Variants in HSP90AA1 observed in about 807,000 individuals in gnomAD.
HSP90AA1 encodes heat shock protein 90 alpha family class A member 1, also known as heat shock protein HSP 90-alpha.
HSP90AA1 carries 18 observed loss-of-function variants against 73.3 expected under a neutral mutation model. The ratio of observed to expected loss-of-function variants is 0.25; its 90% CI spans 0.17 to 0.36. The LOEUF is 0.36. Ranked by LOEUF, HSP90AA1 falls within the 10% of genes least tolerant of loss-of-function variation. The pLI is 1.00. For missense variants in HSP90AA1, 704 were observed against 874.2 expected (o/e 0.81, Z 2.45); for synonymous variants, 477 against 296.9 (o/e 1.61, Z -6.24).
At position 102,081,103 on chromosome 14, in the gene HSP90AA1, A is replaced by G; in HGVS notation, c.*609T>C. ...TTAAGCAGAATGTGACTCGAGCACT[A>G]CATTTCCATCCACAAGACTGGGTCT... On this transcript the variant is annotated 3_prime_UTR_variant, in exon 11 of 11. Coordinates refer to ENST00000216281, the MANE Select transcript of HSP90AA1 (RefSeq NM_005348.4). 4.3e-6 allele frequency: 1 copy of G among 229,904 alleles called. No homozygotes were observed. Among genetic ancestry groups the G allele is most frequent in the East Asian group, 6.3e-5 (1 of 15,798 alleles). The allele number at this position is 229,904 out of a possible 1,614,324, so 14.2% of individuals were successfully genotyped here.
At chr14:102,093,043 C>G (rs1348202524) in intron 2 of HSP90AA1, among the ~76,000 whole-genome samples, 1 of 151,926 alleles carries the variant, frequency 6.6e-6, no homozygotes, top group African/African-American at 2.4e-5. Flanking sequence ...CCGCGCCCAG[C>G]CAACAGCTGT....
At chr14:102,138,818 G>A (rs916025926) in intron 1 of HSP90AA1, among the ~76,000 whole-genome samples, 4 of 152,046 alleles carry the variant, frequency 2.6e-5, no homozygotes, top group African/African-American at 9.7e-5. Flanking sequence ...AGAAACCCAG[G>A]TATAAAATAG....
At chr14:102,104,981 G>A (rs1440250255) in intron 1 of HSP90AA1, among the ~76,000 whole-genome samples, 3 of 148,586 alleles carry the variant, frequency 2.0e-5, no homozygotes, top group South Asian at 2.1e-4. Context: ...GGCAGATCAC[G>A]AGGTCAGGAA....
chr14:102,085,885 G>A lies in HSP90AA1; in HGVS notation c.402C>T (p.Phe134=), dbSNP rs577315542. The A allele has an allele frequency of 2.5e-5, 40 of 1,613,878 alleles. No homozygotes were observed. In the Middle Eastern group the frequency reaches 1.5e-3, roughly 60 times the overall value. Residue 134 remains phenylalanine (F), a synonymous_variant, in exon 3 of 11, where the codon TTC becomes TTT. Transcript: ENST00000216281. ...AATAAGCAGAATAAAAACCAACACC[G>A]AACTGGCCAATCATAGAGATATCTG... The part of the protein sequence containing the change: ...AGADISMIGQ[F]GVGFYSAYLV...
Position 102,094,035 on chromosome 14 carries a change from G to A in HSP90AA1, c.367-7657C>T, listed in dbSNP as rs142763317. Among the ~76,000 whole-genome samples the A allele has an allele frequency of 4.9e-3, 750 of 152,228 alleles. 9 individuals carry two copies. Among genetic ancestry groups the A allele is most frequent in the African/African-American group, 0.017 (697 of 41,532 alleles). ...TGCTGGCCATTGATGTTTCAGAGTC[G>A]ACCCTAAAGTGGATTTCCACGGAGC... On this transcript the variant is annotated intron_variant, in intron 2 of 11. Transcript: ENST00000334701.
chr14:102,086,500 CGA>C, intron 1 of HSP90AA1, 122 bp from the exon 2 acceptor site: 1 of 1,121,274 alleles, frequency 8.9e-7, no homozygotes, highest in Non-Finnish European at 1.4e-6. Flanking sequence ...TTAAGTAAAC[CGA>C]AAATAGAAGG....
intron 1 of HSP90AA1, among the ~76,000 whole-genome samples, chr14:102,115,712 T>A (rs1239325232): frequency 6.6e-6 from 1 of 151,862 alleles, no homozygotes; most frequent in African/African-American, 2.4e-5. Context: ...GACCCTCCAC[T>A]CCAGCCTGGG....
intron 1 of HSP90AA1, among the ~76,000 whole-genome samples, chr14:102,116,131 T>C (rs890977375): frequency 2.6e-5 from 4 of 151,980 alleles, no homozygotes; most frequent in Non-Finnish European, 4.4e-5. Flanking sequence ...TTTTTTGTAT[T>C]TTTAGTAGAG....
rs190726598 is a variant in HSP90AA1 at position 102,119,709 on chromosome 14, G to C, written c.156-17624C>G. Reference sequence around the variant, plus strand: ...TCACCATGTTGGCCAGGGTGGTCTCGATCTCCTGACCTTGTGCTCCGCCCG... The same window carrying C: ...TCACCATGTTGGCCAGGGTGGTCTCCATCTCCTGACCTTGTGCTCCGCCCG... On this transcript the variant is annotated intron_variant, in intron 1 of 11. Transcript: ENST00000334701. 3.2e-4 allele frequency among the ~76,000 whole-genome samples: 49 copies of C among 152,140 alleles called. 1 individual carries two copies. In the East Asian group the frequency reaches 7.8e-3, roughly 24 times the overall value.
At position 102,083,630 on chromosome 14, in the gene HSP90AA1, A is replaced by G; in HGVS notation, c.1402T>C (p.Ser468Pro). 1 of 1,612,686 alleles carries G rather than the reference A, an allele frequency of 6.2e-7. No individual in the cohort carries two copies. Among genetic ancestry groups the G allele is most frequent in the Non-Finnish European group, 8.5e-7 (1 of 1,179,244 alleles). Residue 468 changes from serine (S) to proline (P), a missense_variant, in exon 8 of 11, where the codon TCT becomes CCT. Transcript: ENST00000216281. Reference protein sequence around the residue: ...KLSELLRYYTSASGDEMVSLK... With the variant: ...KLSELLRYYTPASGDEMVSLK... ...GAAACCATCTCATCACCAGAGGCAG[A>G]TGTGTAGTACCTTAACAGCTCTGAA... is the stretch of plus-strand genomic sequence containing the variant.
upstream of HSP90AA1, chr14:102,087,191 C>A (rs1350581152): frequency 8.1e-6 from 8 of 982,000 alleles, no homozygotes; most frequent in Non-Finnish European, 9.7e-6. Context: ...TGCCGCGGCA[C>A]CCCGCCCCCG....
chr14:102,082,904 C>G, intron 9 of HSP90AA1, 130 bp downstream of exon 9: 1 of 959,018 alleles, frequency 1.0e-6, no homozygotes, highest in Non-Finnish European at 1.7e-6. Context: ...CAGGCGTGAG[C>G]CACCGCGCCC....
chr14:102,102,866 C>A (rs1403049873), intron 1 of HSP90AA1, among the ~76,000 whole-genome samples: 1 of 151,570 alleles, frequency 6.6e-6, no homozygotes, highest in Non-Finnish European at 1.5e-5. Flanking sequence ...TAAGACCCCC[C>A]AAAAAAGAAA....
At chr14:102,117,926 G>A (rs1360584154) in intron 1 of HSP90AA1, among the ~76,000 whole-genome samples, 7 of 152,140 alleles carry the variant, frequency 4.6e-5, no homozygotes, top group Non-Finnish European at 2.9e-5. Flanking sequence ...ATTCCCCAGT[G>A]CCAGCTGGGG....
chr14:102,129,742 A>G (rs2049884784), intron 1 of HSP90AA1, among the ~76,000 whole-genome samples: 1 of 151,586 alleles, frequency 6.6e-6, no homozygotes. Context: ...TGACCATGTG[A>G]TCTGCCTGCC....
chr14:102,131,338 G>A (rs2049904443), intron 1 of HSP90AA1, among the ~76,000 whole-genome samples: 1 of 152,186 alleles, frequency 6.6e-6, no homozygotes, highest in African/African-American at 2.4e-5. Context: ...TACCTTCAGA[G>A]TATATGTAGG....
chr14:102,082,915 A>G (rs1185467565), intron 9 of HSP90AA1, 119 bp downstream of exon 9: 2 of 1,081,822 alleles, frequency 1.8e-6, no homozygotes, highest in African/African-American at 3.1e-5. Flanking sequence ...CACCGCGCCC[A>G]GCCACACACA....
At chr14:102,086,714 C>G (rs999320808) in intron 1 of HSP90AA1, among the ~76,000 whole-genome samples, 1 of 150,814 alleles carries the variant, frequency 6.6e-6, no homozygotes, top group African/African-American at 2.4e-5. Context: ...GCGGGGGACC[C>G]CCGCGGCGGG....
rs1349725454 is a variant in HSP90AA1, at chr14:102,087,026, C to A, written c.-41G>T. ...GCACAGGACCAACGGCACAGCCACA[C>A]CGGGACGCTGAAGCAACTGACGCGC... is the stretch of plus-strand genomic sequence containing the variant. On this transcript the variant is annotated 5_prime_UTR_variant, in exon 1 of 11. Transcript: ENST00000216281. 8 of 985,334 alleles carry A rather than the reference C, an allele frequency of 8.1e-6. No individual in the cohort carries two copies. The highest frequency in any genetic ancestry group is 3.5e-5 in the African/African-American group (2 of 57,182). The allele number at this position is 985,334 out of a possible 1,614,324, so 61.0% of individuals were successfully genotyped here.
Sources: gnomAD v4.1 joint callset for allele counts (sites outside exome capture counted in the v4.1 genomes callset) on GRCh38, gnomAD v4.1.1 for gene constraint, MANE v1.5 for transcripts, NCBI Gene and HGNC (gene_info 2026-07-23, HGNC 2026-07-21) for gene names.